CSMD1: variants seen among roughly 807,000 people sequenced by gnomAD.
CSMD1 encodes CUB and sushi domain-containing protein 1.
In CSMD1, 213 loss-of-function variants were observed where a neutral mutation model predicts 417.5. The observed-to-expected ratio is 0.51, with a 90% CI of 0.46 to 0.57. CSMD1 has a LOEUF of 0.57. Ranked by LOEUF, CSMD1 falls within the 20% of genes least tolerant of loss-of-function variation. The pLI, the probability that CSMD1 is intolerant of heterozygous loss-of-function variation, is 0.00. For missense variants in CSMD1, 6,923 were observed against 4,529.7 expected (o/e 1.53, Z -15.17); for synonymous variants, 2,862 against 1,736.8 (o/e 1.65, Z -16.11).
rs533986025 is a variant in CSMD1 at position 4,173,351 on chromosome 8, T to C, written c.416-141252A>G. ...GGCAAACCTAACCAGATATTCAGTA[T>C]GTGGTGATGCTGAACAGAAGATGAG... On this transcript the variant is annotated intron_variant, in intron 3 of 69. Coordinates refer to ENST00000635120, the MANE Select transcript of CSMD1 (RefSeq NM_033225.6). 3.3e-5 allele frequency among the ~76,000 whole-genome samples: 5 copies of C among 152,244 alleles called. No individual in the cohort carries two copies. The South Asian group carries it at 8.3e-4, about 25-fold the overall frequency.
At chr8:3,521,704 A>C (rs80023408) in intron 10 of CSMD1, among the ~76,000 whole-genome samples, 2,169 of 152,348 alleles carry the variant, frequency 0.014, 59 homozygotes, top group African/African-American at 0.05. Flanking sequence ...CCATGACCAG[A>C]ATTTTCTTAA....
chr8:4,662,562 T>C (rs1451600947), intron 1 of CSMD1, among the ~76,000 whole-genome samples: 2 of 152,220 alleles, frequency 1.3e-5, no homozygotes, highest in Non-Finnish European at 2.9e-5. Context: ...AGAATGCTAA[T>C]GTAAAGATGT....
intron 49 of CSMD1, among the ~76,000 whole-genome samples, chr8:3,083,610 T>TTATATTTATATATATA (rs1563320356): frequency 3.2e-5 from 1 of 30,930 alleles, no homozygotes; most frequent in Non-Finnish European, 5.4e-5. Context: ...ACCATAATTT[T>TTATATTTATATATATA]TATATATATA....
chr8:4,564,426 T>C (rs967437107), intron 2 of CSMD1, among the ~76,000 whole-genome samples: 3 of 152,174 alleles, frequency 2.0e-5, no homozygotes, highest in East Asian at 1.9e-4. Context: ...AAATTCAAGA[T>C]CAAGGTGCCA....
chr8:4,038,062 A>G (rs1157429488), intron 3 of CSMD1, among the ~76,000 whole-genome samples: 1 of 152,178 alleles, frequency 6.6e-6, no homozygotes, highest in East Asian at 1.9e-4. Context: ...AATTAATTCA[A>G]AAAGTTTGGA....
chr8:3,184,467 T>G (rs567651016), intron 36 of CSMD1, among the ~76,000 whole-genome samples: 55 of 152,294 alleles, frequency 3.6e-4, no homozygotes, highest in African/African-American at 1.3e-3. Flanking sequence ...TGTGACAGCT[T>G]TAATCTGTCT....
At chr8:3,358,762 A>T (rs1808964378) in intron 21 of CSMD1, among the ~76,000 whole-genome samples, 1 of 152,146 alleles carries the variant, frequency 6.6e-6, no homozygotes. Flanking sequence ...ACCAAGGGAC[A>T]CGTGCTGCTT....
At chr8:3,248,523 C>CTTTTTTTTTTTTTTTTTTTTTTTTT (rs10663439) in intron 26 of CSMD1, among the ~76,000 whole-genome samples, 1 of 85,948 alleles carries the variant, frequency 1.2e-5, no homozygotes. Flanking sequence ...AATTCCCTCC[C>CTTTTTTTTTTTTTTTTTTTTTTTTT]TTTTTTTTTT....
chr8:3,189,881 T>C, intron 34 of CSMD1, 31 bp downstream of exon 34: 1 of 1,540,246 alleles, frequency 6.5e-7, no homozygotes, highest in Non-Finnish European at 8.8e-7. Context: ...CACAGAGTTC[T>C]GGCGGGCAGC....
intron 18 of CSMD1, among the ~76,000 whole-genome samples, chr8:3,374,508 A>G (rs1487416911): frequency 6.6e-6 from 1 of 152,172 alleles, no homozygotes; most frequent in Non-Finnish European, 1.5e-5. Context: ...TCTAAGAACA[A>G]GAATATTAAG....
intron 5 of CSMD1, among the ~76,000 whole-genome samples, chr8:3,959,115 T>A (rs1389138556): frequency 6.6e-6 from 1 of 152,214 alleles, no homozygotes; most frequent in Non-Finnish European, 1.5e-5. Flanking sequence ...CTTTCACTTT[T>A]ATATCGCACA....
intron 3 of CSMD1, among the ~76,000 whole-genome samples, chr8:4,286,456 A>C (rs1270743040): frequency 2.0e-5 from 3 of 152,140 alleles, no homozygotes; most frequent in Admixed American, 6.6e-5. Flanking sequence ...TTGCAATATG[A>C]ATTACCCATT....
intron 3 of CSMD1, among the ~76,000 whole-genome samples, chr8:4,273,363 A>G (rs1409736167): frequency 6.6e-6 from 1 of 152,158 alleles, no homozygotes; most frequent in Non-Finnish European, 1.5e-5. Flanking sequence ...GGGTAATTCG[A>G]GAAATGGATG....
At chr8:4,101,071 G>A (rs147563660) in intron 3 of CSMD1, among the ~76,000 whole-genome samples, 48 of 152,246 alleles carry the variant, frequency 3.2e-4, no homozygotes, top group African/African-American at 1.0e-3. Flanking sequence ...GAGACGAGAC[G>A]GCGCTGGGTT....
chr8:4,239,298 T>C (rs1304231318), intron 3 of CSMD1, among the ~76,000 whole-genome samples: 1 of 152,200 alleles, frequency 6.6e-6, no homozygotes, highest in Non-Finnish European at 1.5e-5. Context: ...CTTCTTTTTG[T>C]GTGGGCAACA....
chr8:3,989,922 G>C (rs1361472737), intron 5 of CSMD1, among the ~76,000 whole-genome samples: 2 of 152,138 alleles, frequency 1.3e-5, no homozygotes, highest in African/African-American at 4.8e-5. Context: ...ACTTTCATAA[G>C]AAAGAGAAAA....
chr8:4,900,939 C>T (rs1358069806), intron 1 of CSMD1, among the ~76,000 whole-genome samples: 2 of 152,200 alleles, frequency 1.3e-5, no homozygotes, highest in African/African-American at 4.8e-5. Flanking sequence ...AAGTGCCCAG[C>T]ACAGTGCGGC....
intron 3 of CSMD1, among the ~76,000 whole-genome samples, chr8:4,089,409 A>C (rs1389913525): frequency 6.6e-6 from 1 of 152,184 alleles, no homozygotes; most frequent in Non-Finnish European, 1.5e-5. Context: ...AGTAAATGGT[A>C]CATGGTTAGC....
chr8:3,933,845 G>A (rs1265220910), intron 5 of CSMD1, among the ~76,000 whole-genome samples: 1 of 152,012 alleles, frequency 6.6e-6, no homozygotes, highest in Admixed American at 6.6e-5. Flanking sequence ...ACATACTGCT[G>A]TGCTCTGAAC....
Sources: allele counts gnomAD v4.1 joint callset (sites outside exome capture counted in the v4.1 genomes callset), GRCh38; gene constraint gnomAD v4.1.1; transcripts MANE v1.5; gene names NCBI Gene and HGNC (gene_info 2026-07-23, HGNC 2026-07-21).